Variants in EYS observed in about 807,000 individuals in gnomAD.
The protein encoded by EYS is protein eyes shut homolog.
A neutral mutation model predicts 282.1 loss-of-function variants in EYS; 250 were observed. The ratio of observed to expected loss-of-function variants is 0.89; its 90% CI spans 0.80 to 0.98. The LOEUF is 0.98. Among genes scored for constraint, EYS ranks in the 50% least tolerant of loss-of-function variants. EYS has a pLI of 0.00. For synonymous variants in EYS, 1,355 were observed against 1,282.9 expected, an observed-to-expected ratio of 1.06 and a Z score of -1.20; for missense variants, 4,016 against 3,709.0, an observed-to-expected ratio of 1.08 and a Z score of -2.15.
chr6:65,668,640 T>C (rs2149830941), intron 1 of EYS, among the ~76,000 whole-genome samples: 1 of 152,036 alleles, frequency 6.6e-6, no homozygotes, highest in Non-Finnish European at 1.5e-5. Flanking sequence ...AAAATTCAAA[T>C]CATTTTCTTC....
At chr6:65,643,475 T>C (rs982467289) in intron 1 of EYS, among the ~76,000 whole-genome samples, 5 of 152,122 alleles carry the variant, frequency 3.3e-5, no homozygotes, top group Admixed American at 1.3e-4. Context: ...AAAAAGGACA[T>C]AATCTCTTGG....
chr6:63,737,513 C>T (rs1272325453), intron 41 of EYS, among the ~76,000 whole-genome samples: 10 of 152,276 alleles, frequency 6.6e-5, no homozygotes, highest in Admixed American at 5.9e-4. Flanking sequence ...AGGATTTTTG[C>T]ATCAATGTTC....
chr6:65,158,072 G>T (rs572344880), intron 12 of EYS, among the ~76,000 whole-genome samples: 144 of 150,716 alleles, frequency 9.6e-4, no homozygotes, highest in African/African-American at 3.3e-3. Flanking sequence ...AATCTATAGG[G>T]GTGGTAGATG....
rs182181045 is a variant in EYS, at chr6:64,344,961, A to G, written c.6079-37879T>C. Among the ~76,000 whole-genome samples the G allele has an allele frequency of 8.8e-3, 1,342 of 152,220 alleles. 9 individuals are homozygous for G. The highest frequency in any genetic ancestry group is 0.013 in the Non-Finnish European group (873 of 67,994). Reference sequence around the variant, plus strand: ...ACTCCCATTCATAATTGCTTCAAAGAGAATAAAATACCTAGGAATCCAACT... The same window carrying G: ...ACTCCCATTCATAATTGCTTCAAAGGGAATAAAATACCTAGGAATCCAACT... On this transcript the variant is annotated intron_variant, in intron 29 of 42. Transcript: ENST00000503581.
intron 41 of EYS, among the ~76,000 whole-genome samples, chr6:63,746,059 G>T (rs1769203567): frequency 6.6e-6 from 1 of 152,100 alleles, no homozygotes; most frequent in Non-Finnish European, 1.5e-5. Flanking sequence ...CATTTTTATT[G>T]CTTGAGCCAC....
chr6:64,424,612 C>T (rs1162751501), intron 28 of EYS, among the ~76,000 whole-genome samples: 1 of 152,172 alleles, frequency 6.6e-6, no homozygotes, highest in East Asian at 1.9e-4. Context: ...CATTTCTTCC[C>T]GTGCTAATTT....
intron 4 of EYS, chr6:65,491,635 A>C: frequency 2.5e-6 from 1 of 405,298 alleles, no homozygotes; most frequent in Non-Finnish European, 4.8e-6. Context: ...AATAAAAATC[A>C]TTGTGTTTCA....
At chr6:64,878,717 A>C (rs1766826698) in intron 19 of EYS, among the ~76,000 whole-genome samples, 1 of 151,776 alleles carries the variant, frequency 6.6e-6, no homozygotes, top group African/African-American at 2.4e-5. Context: ...GATTTTAATA[A>C]TGAGTCCTAT....
At chr6:63,947,170 G>A (rs772816638) in intron 35 of EYS, among the ~76,000 whole-genome samples, 2 of 151,984 alleles carry the variant, frequency 1.3e-5, no homozygotes, top group African/African-American at 4.8e-5. Flanking sequence ...AATAACATTT[G>A]TATATTTTGG....
intron 2 of EYS, among the ~76,000 whole-genome samples, chr6:65,611,241 T>C (rs1418455778): frequency 6.6e-6 from 1 of 151,862 alleles, no homozygotes; most frequent in Non-Finnish European, 1.5e-5. Flanking sequence ...TCTTCTTCAC[T>C]GATTATGATG....
intron 21 of EYS, among the ~76,000 whole-genome samples, chr6:64,816,039 C>CT (rs551266378): frequency 8.0e-4 from 121 of 152,166 alleles, no homozygotes; most frequent in African/African-American, 2.6e-3. Context: ...CCAATGTCAT[C>CT]TTTATCATAA....
chr6:63,756,207 G>A (rs1357394927), intron 41 of EYS, among the ~76,000 whole-genome samples: 1 of 152,068 alleles, frequency 6.6e-6, no homozygotes, highest in African/African-American at 2.4e-5. Flanking sequence ...TCTTGTGCCG[G>A]TTTTCAAAGG....
rs749994406 is a variant in EYS at position 65,495,257 on chromosome 6, C to G, written c.154G>C (p.Asp52His). 7.4e-6 allele frequency: 12 copies of G among 1,613,956 alleles called. No individual in the cohort carries two copies. Among genetic ancestry groups the G allele is most frequent in the Admixed American group, 3.3e-5 (2 of 59,994 alleles). Residue 52 changes from aspartate (D) to histidine (H), a missense_variant, in exon 4 of 43, where the codon GAC becomes CAC. Transcript: ENST00000503581. ...NWTLTENICL[D>H]FYRDCWFLGV... ...AAAAACCAGCAATCTCTGTAGAAGT[C>G]CAAGCAGATGTTTTCTGTTAGTGTC...
At chr6:64,485,282 G>A (rs969038399) in intron 26 of EYS, among the ~76,000 whole-genome samples, 3 of 151,506 alleles carry the variant, frequency 2.0e-5, no homozygotes, top group African/African-American at 4.8e-5. Flanking sequence ...GTATTTAGTA[G>A]CCCATGACAG....
At chr6:64,561,094 C>T (rs772583024) in intron 26 of EYS, among the ~76,000 whole-genome samples, 23 of 152,134 alleles carry the variant, frequency 1.5e-4, no homozygotes, top group Non-Finnish European at 2.2e-4. Flanking sequence ...AAAAACCACA[C>T]GATTATCTTA....
At chr6:65,436,139 A>C (rs572050477) in intron 5 of EYS, among the ~76,000 whole-genome samples, 1 of 152,160 alleles carries the variant, frequency 6.6e-6, no homozygotes, top group African/African-American at 2.4e-5. Flanking sequence ...AAAACTATCA[A>C]TGTAATTGGC....
intron 8 of EYS, among the ~76,000 whole-genome samples, chr6:65,370,561 C>T (rs1008489959): frequency 5.3e-5 from 8 of 151,756 alleles, no homozygotes; most frequent in South Asian, 2.1e-4. Flanking sequence ...TTTCTTTGAC[C>T]GACTTTTATA....
chr6:63,834,251 A>C (rs1771734855), intron 36 of EYS, among the ~76,000 whole-genome samples: 1 of 152,214 alleles, frequency 6.6e-6, no homozygotes, highest in Non-Finnish European at 1.5e-5. Context: ...AGCAAAAGAA[A>C]CTACCATGAG....
chr6:65,250,406 T>C (rs577581380), intron 12 of EYS, among the ~76,000 whole-genome samples: 1 of 152,094 alleles, frequency 6.6e-6, no homozygotes, highest in Admixed American at 6.6e-5. Context: ...TATCAGTTGG[T>C]ATTCTCCTAT....
Sources: allele counts gnomAD v4.1 joint callset (sites outside exome capture counted in the v4.1 genomes callset), GRCh38; gene constraint gnomAD v4.1.1; transcripts MANE v1.5; gene names NCBI Gene and HGNC (gene_info 2026-07-23, HGNC 2026-07-21).